The following GRM1 variants were observed in gnomAD, a reference collection of about 807,000 sequenced individuals.
GRM1 encodes the protein glutamate metabotropic receptor 1.
In GRM1, 33 loss-of-function variants were observed where a neutral mutation model predicts 90.9. The observed-to-expected ratio is 0.36, with a 90% confidence interval of 0.28 to 0.49. The LOEUF (loss-of-function observed/expected upper bound fraction) is 0.49, where lower values mean the gene tolerates loss of function less well. GRM1 is among the 20% of genes least tolerant of loss of function. The pLI is 0.99. For synonymous variants in GRM1, 700 were observed against 613.2 expected (o/e 1.14, Z -2.09); for missense variants, 1,190 against 1,534.3 (o/e 0.78, Z 3.75).
At chr6:146,407,251 A>G (rs1189477140) in intron 7 of GRM1, among the ~76,000 whole-genome samples, 1 of 152,184 alleles carries the variant, frequency 6.6e-6, no homozygotes, top group African/African-American at 2.4e-5. Context: ...GCCCCAGGAT[A>G]ATGGAGATGC....
intron 7 of GRM1, among the ~76,000 whole-genome samples, chr6:146,412,213 C>T (rs540486857): frequency 1.7e-4 from 26 of 152,272 alleles, no homozygotes; most frequent in South Asian, 6.2e-4. Flanking sequence ...TGGCATGTGA[C>T]AATCTTACTT....
At chr6:146,401,457 TA>T (rs1318632443) in intron 7 of GRM1, among the ~76,000 whole-genome samples, 1 of 152,098 alleles carries the variant, frequency 6.6e-6, no homozygotes, top group Non-Finnish European at 1.5e-5. Context: ...AGTCCAGATG[TA>T]AAATGGCATC....
chr6:146,038,019 G>A (rs1033810796), intron 1 of GRM1, among the ~76,000 whole-genome samples: 10 of 151,856 alleles, frequency 6.6e-5, no homozygotes, highest in South Asian at 4.1e-4. Flanking sequence ...AAGTCCTTTC[G>A]CAGAGAAAAT....
intron 7 of GRM1, among the ~76,000 whole-genome samples, chr6:146,421,895 AAAAC>A: frequency 6.6e-6 from 1 of 152,284 alleles, no homozygotes; most frequent in Middle Eastern, 3.4e-3. Flanking sequence ...CAAATGCTGA[AAAAC>A]AAACATTAAA....
At chr6:146,381,000 G>C (rs929806912) in intron 5 of GRM1, among the ~76,000 whole-genome samples, 1 of 152,146 alleles carries the variant, frequency 6.6e-6, no homozygotes, top group African/African-American at 2.4e-5. Context: ...CTAGATGCAA[G>C]ACAATGTCCT....
intron 3 of GRM1, among the ~76,000 whole-genome samples, chr6:146,338,550 T>C (rs1784859579): frequency 6.6e-6 from 1 of 152,212 alleles, no homozygotes; most frequent in African/African-American, 2.4e-5. Context: ...AAATAGTCAC[T>C]GTGGACTGAA....
chr6:146,135,570 G>A (rs1388009772), intron 1 of GRM1, among the ~76,000 whole-genome samples: 2 of 152,200 alleles, frequency 1.3e-5, no homozygotes, highest in Non-Finnish European at 2.9e-5. Context: ...CCAGGGCAGT[G>A]CAAGAACTTG....
intron 1 of GRM1, among the ~76,000 whole-genome samples, chr6:146,086,813 G>A (rs1776561223): frequency 6.6e-6 from 1 of 152,064 alleles, no homozygotes; most frequent in Admixed American, 6.6e-5. Context: ...GCCAGGGATA[G>A]TAGTCATTCC....
intron 2 of GRM1, among the ~76,000 whole-genome samples, chr6:146,275,478 T>G (rs1157740894): frequency 6.6e-6 from 1 of 152,036 alleles, no homozygotes; most frequent in Non-Finnish European, 1.5e-5. Context: ...TTGCTCTAGT[T>G]TCCCCCCACC....
In GRM1 at chr6:146,434,517, G is replaced by A; in HGVS notation, c.3306G>A (p.Arg1102=). The A allele has an allele frequency of 6.2e-7, 1 of 1,614,146 alleles. No homozygotes were observed. ...PPADDDDDSE[R]FKLLQEYVYE... ...CGGACGACGACGACGACAGCGAGAG[G>A]TTTAAGCTCCTCCAGGAGTACGTGT... is the stretch of plus-strand genomic sequence containing the variant. The change falls in exon 8 of 8, where the codon AGG becomes AGA. Residue 1102 remains arginine (R), a synonymous_variant. Coordinates refer to ENST00000282753, the MANE Select transcript of GRM1 (RefSeq NM_001278064.2).
chr6:146,365,872 T>C (rs1775666867), intron 5 of GRM1, among the ~76,000 whole-genome samples: 2 of 152,168 alleles, frequency 1.3e-5, no homozygotes, highest in African/African-American at 4.8e-5. Flanking sequence ...AAGGAGGCGG[T>C]CACTCTCAAG....
At chr6:146,107,346 T>C (rs1181063163) in intron 1 of GRM1, among the ~76,000 whole-genome samples, 2 of 148,500 alleles carry the variant, frequency 1.3e-5, no homozygotes, top group Admixed American at 1.3e-4. Context: ...ATTTTGTTGT[T>C]GTCTTTCCAG....
intron 1 of GRM1, among the ~76,000 whole-genome samples, chr6:146,114,213 A>G (rs1775660845): frequency 1.3e-5 from 2 of 152,220 alleles, no homozygotes; most frequent in Non-Finnish European, 1.5e-5. Context: ...TTTAGATTTC[A>G]GAATAGAATA....
At chr6:146,334,246 T>C (rs1019928191) in intron 3 of GRM1, among the ~76,000 whole-genome samples, 10 of 152,216 alleles carry the variant, frequency 6.6e-5, no homozygotes, top group Admixed American at 3.9e-4. Context: ...TAAAAGTTTC[T>C]GCCTCTGGAC....
At chr6:146,103,014 G>A (rs1777102435) in intron 1 of GRM1, among the ~76,000 whole-genome samples, 1 of 152,146 alleles carries the variant, frequency 6.6e-6, no homozygotes, top group African/African-American at 2.4e-5. Context: ...TTAAATTCTT[G>A]CTGCAGGGGT....
intron 5 of GRM1, chr6:146,365,375 A>T (rs1425422626): frequency 6.6e-6 from 1 of 152,224 alleles, no homozygotes; most frequent in East Asian, 1.9e-4. Flanking sequence ...TCCCACTCAG[A>T]CCTATATCTG....
chr6:146,410,050 C>T (rs1191307617), intron 7 of GRM1, among the ~76,000 whole-genome samples: 1 of 152,146 alleles, frequency 6.6e-6, no homozygotes, highest in African/African-American at 2.4e-5. Flanking sequence ...CTTGATCAAA[C>T]TTCATATTTC....
At chr6:146,309,026 ACTTT>A (rs1192350496) in intron 3 of GRM1, among the ~76,000 whole-genome samples, 3 of 152,070 alleles carry the variant, frequency 2.0e-5, no homozygotes, top group Non-Finnish European at 4.4e-5. Flanking sequence ...TTCATTCTAA[ACTTT>A]CTTTTTTTAC....
intron 2 of GRM1, among the ~76,000 whole-genome samples, chr6:146,240,563 C>A (rs1272875557): frequency 2.6e-5 from 4 of 152,094 alleles, no homozygotes; most frequent in Non-Finnish European, 4.4e-5. Flanking sequence ...TCTCCTCCTA[C>A]TCTCTGATTT....
Sources: allele counts gnomAD v4.1 joint callset (sites outside exome capture counted in the v4.1 genomes callset), GRCh38; gene constraint gnomAD v4.1.1; transcripts MANE v1.5; gene names NCBI Gene and HGNC (gene_info 2026-07-23, HGNC 2026-07-21).